Variants in SGCD observed in about 807,000 individuals in gnomAD.
The protein encoded by SGCD is sarcoglycan delta.
Under a neutral mutation model 36.6 loss-of-function variants are expected in SGCD, and 18 were observed. The ratio of observed to expected loss-of-function variants is 0.49; its 90% CI spans 0.34 to 0.73. The LOEUF (loss-of-function observed/expected upper bound fraction) is 0.73. SGCD is among the 30% of genes least tolerant of loss of function. The pLI is 0.01. For missense variants in SGCD, 387 were observed against 346.7 expected (o/e 1.12, Z -0.92); for synonymous variants, 133 against 130.6 (o/e 1.02, Z -0.12).
intron 6 of SGCD, among the ~76,000 whole-genome samples, chr5:156,636,994 T>C (rs1311079939): frequency 6.6e-6 from 1 of 152,128 alleles, no homozygotes; most frequent in Non-Finnish European, 1.5e-5. Flanking sequence ...TGATATGGTT[T>C]GGCTGTGTCC....
intron 1 of SGCD, among the ~76,000 whole-genome samples, chr5:155,940,232 ATG>A (rs1757294666): frequency 6.6e-6 from 1 of 152,150 alleles, no homozygotes; most frequent in South Asian, 2.1e-4. Flanking sequence ...ACTCCTCTTA[ATG>A]TACAGATCCA....
At chr5:156,548,528 A>G (rs572353773) in intron 4 of SGCD, among the ~76,000 whole-genome samples, 1 of 152,362 alleles carries the variant, frequency 6.6e-6, no homozygotes, top group Admixed American at 6.5e-5. Flanking sequence ...ATTAAGTCAT[A>G]GTTTAAGAGC....
At chr5:156,160,115 G>C (rs995053163) in intron 3 of SGCD, among the ~76,000 whole-genome samples, 3 of 151,450 alleles carry the variant, frequency 2.0e-5, no homozygotes. Context: ...AAATCTTTAA[G>C]ACATATTTTT....
intron 3 of SGCD, among the ~76,000 whole-genome samples, chr5:156,185,854 G>T (rs1460449662): frequency 0.37 from 2,102 of 5,688 alleles, 207 homozygotes; most frequent in Middle Eastern, 0.5. Flanking sequence ...TATATATAGA[G>T]AGAGAGAGAG....
At chr5:156,428,964 A>G (rs112828647) in intron 3 of SGCD, among the ~76,000 whole-genome samples, 4,803 of 152,130 alleles carry the variant, frequency 0.032, 234 homozygotes, top group African/African-American at 0.11. Flanking sequence ...CATATGGTCT[A>G]TCTTAGAGAA....
At chr5:155,931,463 C>T (rs946390730) in intron 1 of SGCD, among the ~76,000 whole-genome samples, 1 of 152,078 alleles carries the variant, frequency 6.6e-6, no homozygotes, top group Non-Finnish European at 1.5e-5. Context: ...TATTGCAAAT[C>T]CTTTGCAGTT....
intron 1 of SGCD, among the ~76,000 whole-genome samples, chr5:155,965,735 A>G (rs1757888246): frequency 6.6e-6 from 1 of 152,104 alleles, no homozygotes; most frequent in Non-Finnish European, 1.5e-5. Context: ...CAACTAACTG[A>G]CAACCACCCC....
At chr5:155,978,486 C>A (rs1327747111) in intron 1 of SGCD, among the ~76,000 whole-genome samples, 3 of 152,248 alleles carry the variant, frequency 2.0e-5, no homozygotes, top group African/African-American at 7.2e-5. Context: ...GCAACTGTGT[C>A]AATGGATTGC....
At chr5:156,645,786 A>G (rs1763202992) in intron 6 of SGCD, among the ~76,000 whole-genome samples, 1 of 152,170 alleles carries the variant, frequency 6.6e-6, no homozygotes, top group Non-Finnish European at 1.5e-5. Flanking sequence ...TGGTGATCAA[A>G]TGAAAAACTA....
chr5:156,177,139 C>G (rs1186669418), intron 3 of SGCD, among the ~76,000 whole-genome samples: 1 of 152,000 alleles, frequency 6.6e-6, no homozygotes, highest in Non-Finnish European at 1.5e-5. Context: ...GTAGCTGGGA[C>G]TACAGGTACA....
At chr5:156,101,779 G>A (rs1187066606) in intron 1 of SGCD, among the ~76,000 whole-genome samples, 1 of 152,098 alleles carries the variant, frequency 6.6e-6, no homozygotes, top group Non-Finnish European at 1.5e-5. Context: ...CAGTCAGATA[G>A]AAAATGTAAT....
chr5:156,127,854 C>CAAAAAAAAAAAAA (rs56822746), intron 3 of SGCD, among the ~76,000 whole-genome samples: 9 of 18,444 alleles, frequency 4.9e-4, no homozygotes, highest in Middle Eastern at 0.071. Context: ...AACATAAATG[C>CAAAAAAAAAAAAA]AAAAAAAAAA....
At chr5:155,950,735 G>T (rs1757532488) in intron 1 of SGCD, among the ~76,000 whole-genome samples, 1 of 152,086 alleles carries the variant, frequency 6.6e-6, no homozygotes, top group Non-Finnish European at 1.5e-5. Flanking sequence ...TACTCCCCCA[G>T]CCTTTCCCAC....
chr5:155,954,804 G>A (rs994123138), intron 1 of SGCD, among the ~76,000 whole-genome samples: 2 of 152,114 alleles, frequency 1.3e-5, no homozygotes, highest in South Asian at 2.1e-4. Flanking sequence ...TGGCTCATGC[G>A]ATTATGCACA....
intron 7 of SGCD, among the ~76,000 whole-genome samples, chr5:156,696,485 A>G (rs1354553535): frequency 1.3e-5 from 2 of 152,192 alleles, no homozygotes; most frequent in African/African-American, 4.8e-5. Context: ...AGAAAACAAA[A>G]TCTTCTCTCA....
chr5:156,259,985 C>G (rs1034404420), intron 3 of SGCD, among the ~76,000 whole-genome samples: 3 of 152,134 alleles, frequency 2.0e-5, no homozygotes. Flanking sequence ...TCTATATACT[C>G]TCAGGTATTC....
At chr5:156,106,978 T>C in intron 1 of SGCD, among the ~76,000 whole-genome samples, 1 of 152,192 alleles carries the variant, frequency 6.6e-6, no homozygotes, top group East Asian at 1.9e-4. Context: ...TTATGTTCTT[T>C]TTTCATCACA....
chr5:156,433,224 G>A (rs1318960394), intron 3 of SGCD, among the ~76,000 whole-genome samples: 1 of 152,120 alleles, frequency 6.6e-6, no homozygotes, highest in South Asian at 2.1e-4. Flanking sequence ...TTCTCTCTCT[G>A]TTCTCGCTGT....
At chr5:156,560,273 C>T (rs568462955) in intron 4 of SGCD, among the ~76,000 whole-genome samples, 1 of 152,170 alleles carries the variant, frequency 6.6e-6, no homozygotes. Flanking sequence ...ATCAGAATTG[C>T]ACCCTCCCGC....
Sources: gnomAD v4.1 joint callset for allele counts (sites outside exome capture counted in the v4.1 genomes callset) on GRCh38, gnomAD v4.1.1 for gene constraint, MANE v1.5 for transcripts, NCBI Gene and HGNC (gene_info 2026-07-23, HGNC 2026-07-21) for gene names.